CSF1R: variants seen among roughly 807,000 people sequenced by gnomAD.
CSF1R encodes the protein colony stimulating factor 1 receptor, also known as macrophage colony-stimulating factor 1 receptor.
CSF1R carries 40 observed loss-of-function variants against 110.0 expected under a neutral mutation model. The ratio of observed to expected loss-of-function variants is 0.36; its 90% CI spans 0.28 to 0.47. CSF1R has a LOEUF of 0.47. Among genes scored for constraint, CSF1R ranks in the 20% least tolerant of loss-of-function variants. The probability of loss-of-function intolerance (pLI) is 0.99; values close to 1 mark genes in which losing one functional copy is unlikely to be tolerated. For synonymous variants in CSF1R, 523 were observed against 503.4 expected (o/e 1.04, Z -0.52); for missense variants, 1,052 against 1,253.0 (o/e 0.84, Z 2.42).
chr5:150,080,476 C>A (rs1012906865), intron 2 of CSF1R, 140 bp from the exon 3 acceptor site: 32 of 1,203,912 alleles, frequency 2.7e-5, no homozygotes, highest in Non-Finnish European at 3.4e-5. Flanking sequence ...TCAGCGGATG[C>A]TTCAGCGTGG....
chr5:150,098,395 A>T (rs1469582436), intron 1 of CSF1R: 1 of 151,798 alleles, frequency 6.6e-6, no homozygotes, highest in Non-Finnish European at 1.5e-5. Flanking sequence ...TCCATAAAAG[A>T]AAAAAAAATA....
chr5:150,068,242 G>GAGCAGCAGCAGC lies in CSF1R; in HGVS notation c.1587_1598dup (p.Leu534_Leu537dup). On this transcript the variant is annotated inframe_insertion, in exon 10 of 21. Transcript: ENST00000675795. ...GCTTATACTTGTACAATAGCAGCAG[G>GAGCAGCAGCAGC]AGCAGCAGCAGCAGCAAGGCCATGA... 6.2e-7 allele frequency: 1 copy of GAGCAGCAGCAGC among 1,608,388 alleles called. No homozygotes were observed. The highest frequency in any genetic ancestry group is 8.5e-7 in the Non-Finnish European group (1 of 1,177,922).
At chr5:150,060,197 T>G (rs1471802969) in intron 13 of CSF1R, among the ~76,000 whole-genome samples, 1 of 151,920 alleles carries the variant, frequency 6.6e-6, no homozygotes, top group Admixed American at 6.6e-5. Flanking sequence ...CATGGTGGCA[T>G]GTGCCTGTAG....
intron 1 of CSF1R, among the ~76,000 whole-genome samples, chr5:150,091,738 G>A (rs147562566): frequency 6.6e-6 from 1 of 151,454 alleles, no homozygotes; most frequent in Non-Finnish European, 1.5e-5. Context: ...ACCTTAAAAT[G>A]GTTAATGTTT....
At chr5:150,077,519 A>C in intron 4 of CSF1R, 84 bp from the exon 5 acceptor site, 1 of 1,420,796 alleles carries the variant, frequency 7.0e-7, no homozygotes, top group Non-Finnish European at 9.7e-7. Context: ...GCCTTTAAGG[A>C]TTACTATCTG....
At chr5:150,067,617 A>G (rs1218962707) in intron 10 of CSF1R, among the ~76,000 whole-genome samples, 2 of 152,256 alleles carry the variant, frequency 1.3e-5, no homozygotes, top group Non-Finnish European at 2.9e-5. Context: ...GGACAGTAAC[A>G]TGAAATAATG....
chr5:150,058,233 G>C (rs1470228123), intron 14 of CSF1R: 1 of 456,278 alleles, frequency 2.2e-6, no homozygotes, highest in Non-Finnish European at 4.4e-6. Flanking sequence ...GGGTGGATGG[G>C]CCTGAGGTGG....
intron 1 of CSF1R, among the ~76,000 whole-genome samples, chr5:150,085,694 C>T (rs892391897): frequency 1.3e-5 from 2 of 152,168 alleles, no homozygotes. Context: ...CCGAATTCCC[C>T]TCTCCTGAGC....
intron 1 of CSF1R, among the ~76,000 whole-genome samples, chr5:150,102,520 C>T (rs988832246): frequency 2.6e-5 from 4 of 152,312 alleles, no homozygotes; most frequent in African/African-American, 7.2e-5. Flanking sequence ...CGCTCTATCA[C>T]GCAGGCTGGA....
At chr5:150,090,373 A>G (rs911600667), upstream of CSF1R, among the ~76,000 whole-genome samples, 3 of 152,316 alleles carry the variant, frequency 2.0e-5, no homozygotes, top group East Asian at 5.8e-4. Context: ...TGTAACCACC[A>G]CTGTAGTCAA....
intron 1 of CSF1R, among the ~76,000 whole-genome samples, chr5:150,097,609 A>T (rs188700586): frequency 6.6e-6 from 1 of 152,292 alleles, no homozygotes; most frequent in East Asian, 1.9e-4. Flanking sequence ...CAATATCAAA[A>T]ATCAGATTAA....
chr5:150,084,394 G>GAAAGAAAGAAAGGAAGAAAGAAA (rs1561945918), intron 1 of CSF1R, among the ~76,000 whole-genome samples: 3 of 22,998 alleles, frequency 1.3e-4, no homozygotes, highest in African/African-American at 2.5e-4. Context: ...AAAGAAAGAA[G>GAAAGAAAGAAAGGAAGAAAGAAA]GAAGGAAGGA....
rs747868107 is a variant in CSF1R at position 150,054,229 on chromosome 5, G to A, written c.2764-5C>T. The A allele has an allele frequency of 8.1e-6, 13 of 1,612,368 alleles. No homozygotes were observed. The highest frequency in any genetic ancestry group is 1.0e-5 in the Non-Finnish European group (12 of 1,179,336). On this transcript the variant is annotated splice_region_variant and splice_polypyrimidine_tract_variant and intron_variant, in intron 20 of 20. Coordinates refer to ENST00000675795, the MANE Select transcript of CSF1R (RefSeq NM_001288705.3). ...GCTCGGCAGATTGGTATAGTCCTGA[G>A]GGTGGGAGGGACCAGAAACTGTCAG...
chr5:150,087,285 G>A (rs1758880439), upstream of CSF1R, among the ~76,000 whole-genome samples: 1 of 152,210 alleles, frequency 6.6e-6, no homozygotes, highest in African/African-American at 2.4e-5. Context: ...TTTTCTTCCT[G>A]TATACAGGTT....
At chr5:150,061,694 A>G (rs1757536677) in intron 11 of CSF1R, 29 bp downstream of exon 11, 2 of 1,614,056 alleles carry the variant, frequency 1.2e-6, no homozygotes, top group Non-Finnish European at 1.7e-6. Flanking sequence ...TGTGATAGGA[A>G]GCTGTGGAGT....
chr5:150,088,025 T>C (rs145027423), upstream of CSF1R, among the ~76,000 whole-genome samples: 1,605 of 152,318 alleles, frequency 0.011, 34 homozygotes, highest in African/African-American at 0.034. Flanking sequence ...TATGAGCCAC[T>C]ATACCCAGCC....
Position 150,086,373 on chromosome 5 carries a change from T to C in CSF1R, c.49+6A>G. The C allele has an allele frequency of 6.2e-7, 1 of 1,606,338 alleles. No homozygotes were observed. Among genetic ancestry groups the C allele is most frequent in the Non-Finnish European group, 8.5e-7 (1 of 1,176,456 alleles). On this transcript the variant is annotated splice_donor_region_variant and intron_variant, in intron 1 of 20. Coordinates refer to ENST00000675795, the MANE Select transcript of CSF1R (RefSeq NM_001288705.3). ...CAAAGTCCCCCACCCCCCGTTCTGC[T>C]CTTACCATGCCAAGCTGTGGCCACC...
Position 150,077,430 on chromosome 5 carries a change from T to G in CSF1R, c.735A>C (p.Ala245=). ...TATGAAAGTCAGATTGTTGAGGGAT[T>G]GCGAGCTGCAGCCAGAAGGAATGGA... The part of the protein sequence containing the change: ...VFLQHNNTKL[A]IPQQSDFHNN... Residue 245 remains alanine (A), a synonymous_variant, in exon 5 of 21, where the codon GCA becomes GCC. Coordinates refer to ENST00000675795, the MANE Select transcript of CSF1R (RefSeq NM_001288705.3). The G allele has an allele frequency of 6.2e-7, 1 of 1,611,054 alleles. No individual in the cohort carries two copies.
chr5:150,074,740 C>T (rs1758188029), intron 5 of CSF1R, among the ~76,000 whole-genome samples: 1 of 152,114 alleles, frequency 6.6e-6, no homozygotes, highest in South Asian at 2.1e-4. Flanking sequence ...CTCAAAAGCC[C>T]TCTATGGAGT....
Sources: gnomAD v4.1 joint callset for allele counts (sites outside exome capture counted in the v4.1 genomes callset) on GRCh38, gnomAD v4.1.1 for gene constraint, MANE v1.5 for transcripts, NCBI Gene and HGNC (gene_info 2026-07-23, HGNC 2026-07-21) for gene names.